The following SLC10A7 variants were observed in gnomAD, a reference collection of about 807,000 sequenced individuals.
SLC10A7 encodes sodium/bile acid cotransporter 7.
Under a neutral mutation model 43.2 loss-of-function variants are expected in SLC10A7, and 29 were observed. The ratio of observed to expected loss-of-function variants is 0.67; its 90% CI spans 0.50 to 0.92. The LOEUF is 0.92. SLC10A7 is among the 40% of genes least tolerant of loss of function. The pLI, the probability that SLC10A7 is intolerant of heterozygous loss-of-function variation, is 0.00. For synonymous variants in SLC10A7, 152 were observed against 144.8 expected, an observed-to-expected ratio of 1.05 and a Z score of -0.35; for missense variants, 295 against 403.2, an observed-to-expected ratio of 0.73 and a Z score of 2.30.
chr4:146,506,653 T>C (rs967244806), intron 3 of SLC10A7, among the ~76,000 whole-genome samples: 3 of 152,214 alleles, frequency 2.0e-5, no homozygotes, highest in Non-Finnish European at 4.4e-5. Flanking sequence ...TTCTTACCTC[T>C]CAGGCCACTC....
intron 5 of SLC10A7, among the ~76,000 whole-genome samples, chr4:146,368,245 G>T (rs1579007768): frequency 6.6e-6 from 1 of 152,126 alleles, no homozygotes; most frequent in Non-Finnish European, 1.5e-5. Flanking sequence ...TGAGAACAAG[G>T]GTAAGAGCAG....
At chr4:146,358,043 A>G (rs1427413525) in intron 5 of SLC10A7, among the ~76,000 whole-genome samples, 1 of 151,220 alleles carries the variant, frequency 6.6e-6, no homozygotes, top group Non-Finnish European at 1.5e-5. Context: ...ATGAAGCACG[A>G]TCACTGAAAA....
At chr4:146,299,595 C>A (rs1731019393) in intron 7 of SLC10A7, among the ~76,000 whole-genome samples, 1 of 152,080 alleles carries the variant, frequency 6.6e-6, no homozygotes, top group Non-Finnish European at 1.5e-5. Flanking sequence ...AAGGCAGGAA[C>A]AAGACTGGCA....
At chr4:146,324,995 A>G (rs1399826075) in intron 6 of SLC10A7, among the ~76,000 whole-genome samples, 1 of 152,218 alleles carries the variant, frequency 6.6e-6, no homozygotes, top group Non-Finnish European at 1.5e-5. Context: ...TTAGTAGTAT[A>G]TCTATCCCTC....
At chr4:146,407,918 T>C (rs191653682) in intron 5 of SLC10A7, among the ~76,000 whole-genome samples, 49 of 152,256 alleles carry the variant, frequency 3.2e-4, no homozygotes, top group Admixed American at 7.9e-4. Context: ...ACCCTCAGGA[T>C]GTACAACAAA....
At chr4:146,456,568 A>C (rs1732071398) in intron 4 of SLC10A7, among the ~76,000 whole-genome samples, 2 of 151,942 alleles carry the variant, frequency 1.3e-5, no homozygotes, top group African/African-American at 4.8e-5. Flanking sequence ...GAACTTACTC[A>C]AAGTGCCATA....
At chr4:146,515,659 C>T (rs1737881280) in intron 2 of SLC10A7, among the ~76,000 whole-genome samples, 1 of 152,042 alleles carries the variant, frequency 6.6e-6, no homozygotes, top group African/African-American at 2.4e-5. Context: ...CCTGTAATCC[C>T]AACACTATGG....
At chr4:146,355,987 T>C (rs1055372936) in intron 5 of SLC10A7, among the ~76,000 whole-genome samples, 21 of 149,844 alleles carry the variant, frequency 1.4e-4, no homozygotes, top group Admixed American at 6.0e-4. Context: ...CATGTATACA[T>C]ATGTAACTAA....
chr4:146,386,841 CT>C (rs1450972805), intron 5 of SLC10A7, among the ~76,000 whole-genome samples: 1 of 152,172 alleles, frequency 6.6e-6, no homozygotes, highest in African/African-American at 2.4e-5. Flanking sequence ...ATATGTCTCT[CT>C]CCCTTAATAG....
chr4:146,304,080 C>T (rs1392964042), intron 7 of SLC10A7, among the ~76,000 whole-genome samples: 1 of 97,400 alleles, frequency 1.0e-5, no homozygotes, highest in African/African-American at 4.0e-5. Flanking sequence ...CAAAAAAAAT[C>T]CACTTGTTTT....
intron 4 of SLC10A7, among the ~76,000 whole-genome samples, chr4:146,455,955 G>A (rs1426636749): frequency 2.6e-5 from 4 of 151,786 alleles, no homozygotes; most frequent in Non-Finnish European, 5.9e-5. Flanking sequence ...GCTAGTAGCC[G>A]TTTAACGACT....
At chr4:146,465,428 CT>C (rs1732933902) in intron 4 of SLC10A7, among the ~76,000 whole-genome samples, 1 of 152,090 alleles carries the variant, frequency 6.6e-6, no homozygotes, top group Non-Finnish European at 1.5e-5. Flanking sequence ...TGAAAAACTG[CT>C]TTTTGATTCA....
At chr4:146,498,376 C>T (rs1229809315) in intron 4 of SLC10A7, among the ~76,000 whole-genome samples, 3 of 152,060 alleles carry the variant, frequency 2.0e-5, no homozygotes, top group Non-Finnish European at 4.4e-5. Flanking sequence ...CCTCGGCCTC[C>T]CAAAGTCCTG....
In SLC10A7 at chr4:146,521,735, G is replaced by A; in HGVS notation, c.-18C>T. 6.2e-7 allele frequency: 1 copy of A among 1,603,516 alleles called. No individual in the cohort carries two copies. Among genetic ancestry groups the A allele is most frequent in the Non-Finnish European group, 8.5e-7 (1 of 1,170,938 alleles). On this transcript the variant is annotated 5_prime_UTR_variant, in exon 1 of 12. Coordinates refer to ENST00000335472, the MANE Select transcript of SLC10A7 (RefSeq NM_001029998.6). Reference sequence around the variant, plus strand: ...AGCCTCATATTTGTTAGGGTGGGTGGGTTTTGTTTATTTGTTTGGCTTTTT... The same window carrying A: ...AGCCTCATATTTGTTAGGGTGGGTGAGTTTTGTTTATTTGTTTGGCTTTTT...
intron 5 of SLC10A7, among the ~76,000 whole-genome samples, chr4:146,342,077 G>A (rs557429703): frequency 8.6e-5 from 13 of 151,704 alleles, no homozygotes; most frequent in East Asian, 3.9e-4. Context: ...CTAGCCTAGC[G>A]TTCTTAACTT....
At chr4:146,285,075 C>A (rs894237858) in intron 9 of SLC10A7, among the ~76,000 whole-genome samples, 1 of 152,122 alleles carries the variant, frequency 6.6e-6, no homozygotes, top group African/African-American at 2.4e-5. Flanking sequence ...AGTGAGACTG[C>A]AGTATGGGAG....
At chr4:146,281,447 A>AT (rs2111108981) in intron 10 of SLC10A7, among the ~76,000 whole-genome samples, 1 of 151,964 alleles carries the variant, frequency 6.6e-6, no homozygotes, top group South Asian at 2.1e-4. Context: ...AAAAAAAAAA[A>AT]GTGGGTCAGG....
At chr4:146,283,555 C>A (rs556791370) in intron 9 of SLC10A7, among the ~76,000 whole-genome samples, 2 of 152,172 alleles carry the variant, frequency 1.3e-5, no homozygotes, top group South Asian at 4.2e-4. Context: ...AATAATGCAA[C>A]AAGGAACTCT....
At chr4:146,444,838 G>A (rs1017687728) in intron 4 of SLC10A7, among the ~76,000 whole-genome samples, 2 of 152,142 alleles carry the variant, frequency 1.3e-5, no homozygotes, top group African/African-American at 4.8e-5. Flanking sequence ...TGAAGACCAC[G>A]TGAAATCAGA....
Sources: allele counts gnomAD v4.1 joint callset (sites outside exome capture counted in the v4.1 genomes callset), GRCh38; gene constraint gnomAD v4.1.1; transcripts MANE v1.5; gene names NCBI Gene and HGNC (gene_info 2026-07-23, HGNC 2026-07-21).